ZC3H12B: variants seen among roughly 807,000 people sequenced by gnomAD.
The protein encoded by ZC3H12B is probable ribonuclease ZC3H12B.
Under a neutral mutation model 43.9 loss-of-function variants are expected in ZC3H12B, and 7 were observed. That is an observed-to-expected ratio of 0.16 (90% CI 0.09 to 0.30). ZC3H12B has a LOEUF of 0.30. Ranked by LOEUF, ZC3H12B falls within the 10% of genes least tolerant of loss-of-function variation. The pLI is 1.00. For missense variants in ZC3H12B, 475 were observed against 670.2 expected, an observed-to-expected ratio of 0.71 and a Z score of 3.22; for synonymous variants, 222 against 241.7, an observed-to-expected ratio of 0.92 and a Z score of 0.76.
At chrX:65,103,696 T>A in the ZC3H12B span, among the ~76,000 whole-genome samples, 4 of 111,678 alleles carry the variant, frequency 3.6e-5, no homozygotes, top group Non-Finnish European at 7.5e-5. Flanking sequence ...AAATTTATGT[T>A]CTTCTGCCAT....
chrX:65,193,191 G>A, the ZC3H12B span, among the ~76,000 whole-genome samples: 1 of 109,003 alleles, frequency 9.2e-6, no homozygotes, highest in Non-Finnish European at 1.9e-5. Flanking sequence ...GAGTATGGAA[G>A]TCTTCCTTCC....
At chrX:65,200,426 C>CT in the ZC3H12B span, among the ~76,000 whole-genome samples, 11,021 of 59,465 alleles carry the variant, frequency 0.19, 1,542 homozygotes, top group African/African-American at 0.34. Flanking sequence ...ATAGTTTCCT[C>CT]TTTTTTTTTT....
chrX:65,416,605 C>G (rs540584036), intron 3 of ZC3H12B, among the ~76,000 whole-genome samples: 1 of 101,598 alleles, frequency 9.8e-6, no homozygotes, highest in Admixed American at 1.0e-4. Flanking sequence ...CACGGTGAAA[C>G]CCCGTCTCTA....
At chrX:65,136,871 T>C in the ZC3H12B span, among the ~76,000 whole-genome samples, 2 of 111,969 alleles carry the variant, frequency 1.8e-5, no homozygotes, top group African/African-American at 6.5e-5. Flanking sequence ...CTATTTCATC[T>C]TCCTGAAAGC....
chrX:65,456,147 T>G (rs949210336), intron 3 of ZC3H12B, among the ~76,000 whole-genome samples: 1 of 111,192 alleles, frequency 9.0e-6, no homozygotes, highest in African/African-American at 3.3e-5. Context: ...TAAATGTAAA[T>G]GGGCTAAATG....
the ZC3H12B span, among the ~76,000 whole-genome samples, chrX:65,232,025 G>A: frequency 9.2e-6 from 1 of 109,123 alleles, no homozygotes. Flanking sequence ...CACAAGGTCA[G>A]GAGATCGAAA....
chrX:65,090,412 G>A, the ZC3H12B span, among the ~76,000 whole-genome samples: 1 of 112,001 alleles, frequency 8.9e-6, no homozygotes, highest in African/African-American at 3.2e-5. Context: ...AATAGATGTA[G>A]GATTTTTTTT....
the ZC3H12B span, among the ~76,000 whole-genome samples, chrX:65,158,019 T>G: frequency 2.9e-5 from 3 of 102,124 alleles, no homozygotes; most frequent in African/African-American, 7.0e-5. Context: ...GAGAACATGC[T>G]GTGTTTGGTT....
intron 3 of ZC3H12B, among the ~76,000 whole-genome samples, chrX:65,445,099 T>C (rs1216852926): frequency 1.8e-5 from 2 of 112,454 alleles, no homozygotes; most frequent in East Asian, 5.5e-4. Context: ...GATAGGATTC[T>C]GAATTCCTTC....
intron 3 of ZC3H12B, among the ~76,000 whole-genome samples, chrX:65,416,606 C>T (rs2148075422): frequency 2.0e-5 from 2 of 100,898 alleles, no homozygotes; most frequent in South Asian, 8.9e-4. Flanking sequence ...ACGGTGAAAC[C>T]CCGTCTCTAC....
chrX:65,308,662 C>T, the ZC3H12B span, among the ~76,000 whole-genome samples: 33 of 111,801 alleles, frequency 3.0e-4, no homozygotes, highest in African/African-American at 1.0e-3. Flanking sequence ...CACAACTCTC[C>T]ACCCCAAATC....
intron 2 of ZC3H12B, among the ~76,000 whole-genome samples, chrX:65,390,368 A>G (rs2148029904): frequency 9.0e-6 from 1 of 110,949 alleles, no homozygotes; most frequent in South Asian, 3.8e-4. Flanking sequence ...ACAAACCTGC[A>G]TGTTGTGCAC....
the ZC3H12B span, among the ~76,000 whole-genome samples, chrX:65,166,550 G>A: frequency 8.9e-6 from 1 of 111,829 alleles, no homozygotes; most frequent in African/African-American, 3.3e-5. Context: ...AATCCTTTCA[G>A]TATATAAGCA....
At chrX:65,059,832 A>G in the ZC3H12B span, among the ~76,000 whole-genome samples, 1 of 111,807 alleles carries the variant, frequency 8.9e-6, no homozygotes, top group Non-Finnish European at 1.9e-5. Context: ...TTTTAACAAT[A>G]TTGATTCTTC....
the ZC3H12B span, among the ~76,000 whole-genome samples, chrX:65,249,903 C>A: frequency 9.7e-6 from 1 of 103,066 alleles, no homozygotes; most frequent in South Asian, 4.7e-4. Flanking sequence ...CTTTTGTGTA[C>A]ATTAGTCTGA....
At chrX:65,193,677 T>C in the ZC3H12B span, among the ~76,000 whole-genome samples, 3 of 112,114 alleles carry the variant, frequency 2.7e-5, no homozygotes, top group Admixed American at 2.8e-4. Flanking sequence ...ATTTGTGGTT[T>C]CAATTGTTCT....
the ZC3H12B span, among the ~76,000 whole-genome samples, chrX:65,253,713 C>A: frequency 8.9e-6 from 1 of 112,003 alleles, no homozygotes; most frequent in Admixed American, 9.4e-5. Context: ...AATGGGGTGC[C>A]TGCCAAGGGC....
chrX:65,146,422 A>T, the ZC3H12B span, among the ~76,000 whole-genome samples: 1 of 111,844 alleles, frequency 8.9e-6, no homozygotes, highest in Non-Finnish European at 1.9e-5. Context: ...TGCCTCCCTG[A>T]TTCACTTAAT....
At chrX:65,158,996 G>A in the ZC3H12B span, among the ~76,000 whole-genome samples, 1 of 111,834 alleles carries the variant, frequency 8.9e-6, no homozygotes, top group Non-Finnish European at 1.9e-5. Context: ...CATATGGCTA[G>A]CCAGTTTTCC....
Sources: gnomAD v4.1 joint callset for allele counts (sites outside exome capture counted in the v4.1 genomes callset) on GRCh38, gnomAD v4.1.1 for gene constraint, MANE v1.5 for transcripts, NCBI Gene and HGNC (gene_info 2026-07-23, HGNC 2026-07-21) for gene names.